Variants in HDAC6 observed in about 807,000 individuals in gnomAD.
The protein encoded by HDAC6 is protein deacetylase HDAC6.
HDAC6 carries 5 observed loss-of-function variants against 88.9 expected under a neutral mutation model. The observed-to-expected ratio is 0.06, with a 90% confidence interval of 0.03 to 0.12. The LOEUF (loss-of-function observed/expected upper bound fraction) is 0.12, where lower values mean the gene tolerates loss of function less well. Ranked by LOEUF, HDAC6 falls within the 10% of genes least tolerant of loss-of-function variation. The pLI, the probability that HDAC6 is intolerant of heterozygous loss-of-function variation, is 1.00. For missense variants in HDAC6, 706 were observed against 1,014.4 expected (o/e 0.70, Z 4.13); for synonymous variants, 378 against 398.0 (o/e 0.95, Z 0.60).
chrX:48,806,762 G>C, intron 8 of HDAC6, 56 bp downstream of exon 8: 2 of 720,869 alleles, frequency 2.8e-6, no homozygotes, highest in Non-Finnish European at 4.2e-6. Flanking sequence ...TCCTTCAAGT[G>C]TAAAATGTAT....
Position 48,818,431 on chromosome X carries a change from C to T in HDAC6, c.2187+19C>T, listed in dbSNP as rs1557028556. 6 of 1,134,424 alleles carry T rather than the reference C, an allele frequency of 5.3e-6. No individual in the cohort carries two copies. Among genetic ancestry groups the T allele is most frequent in the Non-Finnish European group, 7.0e-6 (6 of 852,825 alleles). The allele number at this position is 1,134,424 out of a possible 1,213,427, so 93.5% of individuals were successfully genotyped here. Reference sequence around the variant, plus strand: ...CTACGAGGTACAGCTCAGGATAGATCGCAGGACGTATGTGACACGCCTGTG... The same window carrying T: ...CTACGAGGTACAGCTCAGGATAGATTGCAGGACGTATGTGACACGCCTGTG... On this transcript the variant is annotated intron_variant, in intron 22 of 28. Transcript: ENST00000334136.
At position 48,802,773 on chromosome X, in the gene HDAC6, C is replaced by T; in HGVS notation, c.81C>T (p.Ser27=). The part of the protein sequence containing the change: ...RQNPQSPPQD[S]SVTSKRNIKK... ...ACCCCCAGTCGCCCCCTCAGGACTC[C>T]AGTGTCACTTCGGTGAGGCCCTAGA... Residue 27 remains serine, a synonymous_variant, in exon 2 of 29, where the codon TCC becomes TCT. Coordinates refer to ENST00000334136, the MANE Select transcript of HDAC6 (RefSeq NM_006044.4). The T allele has an allele frequency of 1.7e-6, 2 of 1,208,330 alleles. No homozygotes were observed. The highest frequency in any genetic ancestry group is 2.2e-6 in the Non-Finnish European group (2 of 893,743).
In HDAC6 at chrX:48,824,147, C is replaced by G; in HGVS notation, c.3451-19C>G. ...GGGGGATGCTGACCCCCACCTGACA[C>G]TCACACCCCCAACCTCAGGTCTACT... On this transcript the variant is annotated intron_variant, in intron 27 of 28. Coordinates refer to ENST00000334136, the MANE Select transcript of HDAC6 (RefSeq NM_006044.4). The G allele has an allele frequency of 8.3e-7, 1 of 1,207,233 alleles. No homozygotes were observed. The highest frequency in any genetic ancestry group is 2.3e-4 in the Middle Eastern group (1 of 4,334).
chrX:48,822,484 C>T lies in HDAC6; in HGVS notation c.2338-136C>T, dbSNP rs1029428956. 22 of 442,534 alleles carry T rather than the reference C, an allele frequency of 5.0e-5. 1 individual carries two copies. In the Admixed American group the frequency reaches 9.6e-4, roughly 19 times the overall value. The allele number at this position is 442,534 out of a possible 1,213,427, so 36.5% of individuals were successfully genotyped here. On this transcript the variant is annotated intron_variant, in intron 23 of 28. Transcript: ENST00000334136. ...ATCTTAAAGGTGTGGGTTCTGTTCA[C>T]TTGTTCTCAGTACTCCCCCTCCCTC...
intron 22 of HDAC6, chrX:48,819,546 C>CTTT (rs782353677): frequency 2.4e-5 from 3 of 123,830 alleles, no homozygotes; most frequent in East Asian, 2.5e-4. Flanking sequence ...CCATCTGTCC[C>CTTT]TTTTTTTTTT....
chrX:48,813,317 T>C (rs2062931252), intron 10 of HDAC6: 1 of 112,330 alleles, frequency 8.9e-6, no homozygotes, highest in African/African-American at 3.2e-5. Context: ...AAAACAATCA[T>C]CCTCCACCTA....
At chrX:48,824,401 CAT>C (rs1460755188) in intron 28 of HDAC6, 107 bp downstream of exon 28, 29 of 1,098,432 alleles carry the variant, frequency 2.6e-5, no homozygotes, top group Admixed American at 2.4e-4. Context: ...ATGGCTGCCT[CAT>C]GTGATTATTT....
At position 48,818,332 on chromosome X, in the gene HDAC6, G is replaced by A; in HGVS notation, c.2107G>A (p.Val703Met). The change falls in exon 22 of 29, where the codon GTG becomes ATG. Residue 703 changes from valine to methionine, a missense_variant. Physicochemically the swap from Val to Met is conservative, Grantham distance 21. This residue lies in a region of HDAC6 where 138 missense variants were observed against 303.5 expected (regional missense o/e 0.45). Coordinates refer to ENST00000334136, the MANE Select transcript of HDAC6 (RefSeq NM_006044.4). Reference sequence around the variant, plus strand: ...TGCGGGCACAGGCTTCACCGTCAACGTGGCATGGAACGGGCCCCGCATGGG... The same window carrying A: ...TGCGGGCACAGGCTTCACCGTCAACATGGCATGGAACGGGCCCCGCATGGG... ...RAAGTGFTVNVAWNGPRMGDA... is the reference protein window; with the variant it reads ...RAAGTGFTVNMAWNGPRMGDA... 1 of 1,206,236 alleles carries A rather than the reference G, an allele frequency of 8.3e-7. No homozygotes were observed. Among genetic ancestry groups the A allele is most frequent in the Non-Finnish European group, 1.1e-6 (1 of 892,564 alleles).
intron 19 of HDAC6, chrX:48,816,975 C>T (rs1279110019): frequency 1.2e-4 from 32 of 260,555 alleles, no homozygotes; most frequent in Non-Finnish European, 1.5e-4. Context: ...AAGGTCCGGG[C>T]GTGATGGCTC....
At chrX:48,807,583 G>A in intron 8 of HDAC6, among the ~76,000 whole-genome samples, 1 of 111,907 alleles carries the variant, frequency 8.9e-6, no homozygotes, top group Admixed American at 9.4e-5. Context: ...TGCAATCTTG[G>A]CTCACTGCAA....
intron 24 of HDAC6, 42 bp from the exon 25 acceptor site, chrX:48,822,870 G>T (rs1451163714): frequency 8.6e-7 from 1 of 1,159,191 alleles, no homozygotes; most frequent in Non-Finnish European, 1.2e-6. Flanking sequence ...GGCAGGAAGG[G>T]TGACAGTACC....
In HDAC6 at chrX:48,802,675, G is replaced by T; in HGVS notation, c.-18G>T. 8.4e-7 allele frequency: 1 copy of T among 1,197,325 alleles called. No individual in the cohort carries two copies. The highest frequency in any genetic ancestry group is 1.1e-6 in the Non-Finnish European group (1 of 888,459). On this transcript the variant is annotated 5_prime_UTR_variant, in exon 2 of 29. Coordinates refer to ENST00000334136, the MANE Select transcript of HDAC6 (RefSeq NM_006044.4). ...CCCCCACCCCCAGAACCGCGGCAGG[G>T]GCCAAGCCTCCTCAACTATGACCTC...
At chrX:48,813,543 G>A (rs2062933869) in intron 10 of HDAC6, 1 of 112,119 alleles carries the variant, frequency 8.9e-6, no homozygotes, top group African/African-American at 3.2e-5. Context: ...ACAAAGCAGG[G>A]GGTAAATGAC....
At chrX:48,822,544 G>A (rs1378747212) in intron 23 of HDAC6, 76 bp from the exon 24 acceptor site, 1 of 834,592 alleles carries the variant, frequency 1.2e-6, no homozygotes, top group Admixed American at 3.2e-5. Context: ...GAGGATTGGG[G>A]AGGCAGGACA....
intron 10 of HDAC6, chrX:48,814,232 G>T: frequency 2.3e-6 from 1 of 428,660 alleles, no homozygotes; most frequent in Non-Finnish European, 4.0e-6. Context: ...ATGGTAAGAT[G>T]ATTAAATTGG....
At chrX:48,817,997 G>A (rs1328052000) in intron 20 of HDAC6, 44 bp from the exon 21 acceptor site, 25 of 1,126,372 alleles carry the variant, frequency 2.2e-5, no homozygotes, top group East Asian at 3.1e-5. Flanking sequence ...CCCTCTTCCA[G>A]GGCGTGAGTA....
chrX:48,823,595 C>T lies in HDAC6; in HGVS notation c.3189+7C>T, dbSNP rs782720948. The T allele has an allele frequency of 7.5e-6, 9 of 1,203,182 alleles. No individual in the cohort carries two copies. The highest frequency in any genetic ancestry group is 1.0e-5 in the Non-Finnish European group (9 of 889,410). ...GCTAGGCAGCGAATCTCAGGTAAGG[C>T]TCACCACACCCAGGTAGGGGCAAGA... On this transcript the variant is annotated splice_region_variant and intron_variant, in intron 25 of 28. Coordinates refer to ENST00000334136, the MANE Select transcript of HDAC6 (RefSeq NM_006044.4).
At chrX:48,820,005 C>T (rs782412068) in intron 22 of HDAC6, 101 bp from the exon 23 acceptor site, 2 of 845,838 alleles carry the variant, frequency 2.4e-6, no homozygotes, top group African/African-American at 4.0e-5. Flanking sequence ...ATCTCCATGT[C>T]TTCATTTGTC....
chrX:48,806,819 AAG>A, intron 8 of HDAC6, 113 bp downstream of exon 8: 1 of 460,725 alleles, frequency 2.2e-6, no homozygotes, highest in Non-Finnish European at 3.5e-6. Context: ...AAAGGTAAAA[AAG>A]AGAATATAAT....
Sources: allele counts gnomAD v4.1 joint callset (sites outside exome capture counted in the v4.1 genomes callset), GRCh38; gene constraint gnomAD v4.1.1; regional missense constraint gnomAD v4.1.1; transcripts MANE v1.5; gene names NCBI Gene and HGNC (gene_info 2026-07-23, HGNC 2026-07-21).